The following SERPINI1 variants were observed in gnomAD, a reference collection of about 807,000 sequenced individuals.
The protein encoded by SERPINI1 is serpin family I member 1, also known as neuroserpin.
A neutral mutation model predicts 41.1 loss-of-function variants in SERPINI1; 19 were observed. The observed-to-expected ratio is 0.46, with a 90% confidence interval of 0.32 to 0.68. SERPINI1 has a LOEUF of 0.68. Among genes scored for constraint, SERPINI1 ranks in the 30% least tolerant of loss-of-function variants. The pLI is 0.03. For synonymous variants in SERPINI1, 138 were observed against 156.6 expected, an observed-to-expected ratio of 0.88 and a Z score of 0.89; for missense variants, 460 against 479.2, an observed-to-expected ratio of 0.96 and a Z score of 0.37.
At chr3:167,742,199 A>G (rs1318425482) in intron 1 of SERPINI1, among the ~76,000 whole-genome samples, 1 of 152,218 alleles carries the variant, frequency 6.6e-6, no homozygotes, top group Non-Finnish European at 1.5e-5. Context: ...TTTGAAAAGG[A>G]GAGAAAGAAA....
At chr3:167,758,310 A>G (rs1291167514) in intron 1 of SERPINI1, among the ~76,000 whole-genome samples, 1 of 152,228 alleles carries the variant, frequency 6.6e-6, no homozygotes. Context: ...AGTCCATAAC[A>G]AATCTGGGAC....
rs771734016 is a variant in SERPINI1 at position 167,825,370 on chromosome 3, G to A, written c.*47G>A. The A allele has an allele frequency of 3.6e-6, 4 of 1,108,390 alleles. No homozygotes were observed. The highest frequency in any genetic ancestry group is 5.6e-6 in the Non-Finnish European group (4 of 718,480). The allele number at this position is 1,108,390 out of a possible 1,614,324, so 68.7% of individuals were successfully genotyped here. On this transcript the variant is annotated 3_prime_UTR_variant, in exon 9 of 9. Transcript: ENST00000446050. ...GGAAAACAGTAACTAAGCACATTAT[G>A]TTTGCAACTGGTATATATTTAGGAT...
chr3:167,759,400 G>GTATATA lies in SERPINI1; in HGVS notation c.-19+23593_-19+23598dup, dbSNP rs71753556. Among the ~76,000 whole-genome samples, 85 of 121,150 alleles carry GTATATA rather than the reference G, an allele frequency of 7.0e-4. 5 individuals are homozygous for GTATATA. The highest frequency in any genetic ancestry group is 1.9e-3 in the African/African-American group (63 of 32,928). The allele number at this position is 121,150 out of a possible 152,430, so 79.5% of individuals were successfully genotyped here. On this transcript the variant is annotated intron_variant, in intron 1 of 8. Coordinates refer to ENST00000446050, the MANE Select transcript of SERPINI1 (RefSeq NM_001122752.2). ...ATCAACATTGGATAAAGAAAATGTGGTATATATATATATATATATATGCGC... is the reference window on the plus strand; with the variant it reads ...ATCAACATTGGATAAAGAAAATGTGGTATATATATATATATATATATATATATGCGC...
intron 1 of SERPINI1, among the ~76,000 whole-genome samples, chr3:167,766,266 C>T (rs562088412): frequency 1.3e-4 from 19 of 149,994 alleles, no homozygotes; most frequent in African/African-American, 3.7e-4. Context: ...TCCAGTCCCA[C>T]ATGACTGGAG....
At chr3:167,812,652 A>G (rs760481653) in intron 6 of SERPINI1, among the ~76,000 whole-genome samples, 1 of 152,232 alleles carries the variant, frequency 6.6e-6, no homozygotes, top group Non-Finnish European at 1.5e-5. Flanking sequence ...TGTTTCCTAT[A>G]GTGCCCAGCA....
chr3:167,785,168 C>T (rs1301188577), intron 1 of SERPINI1, among the ~76,000 whole-genome samples: 2 of 152,050 alleles, frequency 1.3e-5, no homozygotes, highest in East Asian at 1.9e-4. Context: ...CGCTTGAACT[C>T]GGGAGGTGGA....
chr3:167,778,691 A>C (rs1727031890), intron 1 of SERPINI1, among the ~76,000 whole-genome samples: 1 of 152,238 alleles, frequency 6.6e-6, no homozygotes, highest in African/African-American at 2.4e-5. Context: ...CTCTGGCTAC[A>C]TGATTCCTGA....
rs111901947 is a variant in SERPINI1, at chr3:167,762,475, C to T, written c.-18-26636C>T. On this transcript the variant is annotated intron_variant, in intron 1 of 8. Transcript: ENST00000446050. ...TTGCTCAGTTTCTAAATTTTTGTTCCCCATTCTTCCTTAACTCAGTCTAAT... is the reference window on the plus strand; with the variant it reads ...TTGCTCAGTTTCTAAATTTTTGTTCTCCATTCTTCCTTAACTCAGTCTAAT... Among the ~76,000 whole-genome samples the T allele has an allele frequency of 8.9e-3, 1,356 of 152,206 alleles. 21 individuals are homozygous for T. Among genetic ancestry groups the T allele is most frequent in the African/African-American group, 0.031 (1,281 of 41,526 alleles).
intron 3 of SERPINI1, among the ~76,000 whole-genome samples, chr3:167,791,917 G>C (rs1424112850): frequency 6.6e-6 from 1 of 152,142 alleles, no homozygotes; most frequent in Admixed American, 6.5e-5. Context: ...TTGAGGCTAG[G>C]AGTTTGTGAC....
chr3:167,759,084 T>TCTGTTAC (rs1228074856), intron 1 of SERPINI1, among the ~76,000 whole-genome samples: 1 of 152,092 alleles, frequency 6.6e-6, no homozygotes, highest in Non-Finnish European at 1.5e-5. Flanking sequence ...AGCCAGGTGT[T>TCTGTTAC]CTGTTAGATT....
chr3:167,771,207 A>G (rs1295836023), intron 1 of SERPINI1, among the ~76,000 whole-genome samples: 1 of 152,216 alleles, frequency 6.6e-6, no homozygotes, highest in African/African-American at 2.4e-5. Flanking sequence ...CACCTGTGAA[A>G]TGCTATATAT....
intron 1 of SERPINI1, among the ~76,000 whole-genome samples, chr3:167,764,579 A>G (rs1324659902): frequency 1.3e-5 from 2 of 152,208 alleles, no homozygotes; most frequent in African/African-American, 4.8e-5. Flanking sequence ...GGACACAGCC[A>G]TACCATGTTA....
intron 1 of SERPINI1, among the ~76,000 whole-genome samples, chr3:167,781,248 A>G (rs1429162993): frequency 6.6e-6 from 1 of 152,082 alleles, no homozygotes; most frequent in African/African-American, 2.4e-5. Context: ...AAGTTAAAGC[A>G]GTGGATTCCA....
At chr3:167,811,691 G>A (rs1040842377) in intron 6 of SERPINI1, among the ~76,000 whole-genome samples, 1 of 151,596 alleles carries the variant, frequency 6.6e-6, no homozygotes, top group Non-Finnish European at 1.5e-5. Flanking sequence ...AATTAAAATT[G>A]TTACTTAAAA....
chr3:167,783,305 G>T (rs1727202037), intron 1 of SERPINI1, among the ~76,000 whole-genome samples: 1 of 152,150 alleles, frequency 6.6e-6, no homozygotes, highest in Admixed American at 6.5e-5. Context: ...GAGGGAAAAA[G>T]AGATGGAGGG....
intron 1 of SERPINI1, among the ~76,000 whole-genome samples, chr3:167,767,498 A>AT (rs1726604887): frequency 6.6e-6 from 1 of 152,176 alleles, no homozygotes; most frequent in Non-Finnish European, 1.5e-5. Flanking sequence ...TTCAATTCTT[A>AT]TTATTTAAAA....
At chr3:167,760,945 C>T (rs989854095) in intron 1 of SERPINI1, among the ~76,000 whole-genome samples, 2 of 152,062 alleles carry the variant, frequency 1.3e-5, no homozygotes, top group Non-Finnish European at 1.5e-5. Flanking sequence ...TGGTGACATG[C>T]GGAATTTATG....
chr3:167,801,399 T>C (rs369951314), intron 5 of SERPINI1, among the ~76,000 whole-genome samples: 3 of 152,232 alleles, frequency 2.0e-5, no homozygotes, highest in Admixed American at 6.5e-5. Flanking sequence ...GTTTATAATT[T>C]ATGAAATGTA....
At chr3:167,772,813 G>A (rs1460020201) in intron 1 of SERPINI1, among the ~76,000 whole-genome samples, 1 of 110,636 alleles carries the variant, frequency 9.0e-6, no homozygotes, top group Non-Finnish European at 1.8e-5. Context: ...AGCCTGGGCA[G>A]TATCTTGAGA....
Sources: gnomAD v4.1 joint callset for allele counts (sites outside exome capture counted in the v4.1 genomes callset) on GRCh38, gnomAD v4.1.1 for gene constraint, MANE v1.5 for transcripts, NCBI Gene and HGNC (gene_info 2026-07-23, HGNC 2026-07-21) for gene names.